Variants in GVQW3 observed in about 807,000 individuals in gnomAD.
GVQW3 encodes the protein GVQW motif containing 3.
A neutral mutation model predicts 12.5 loss-of-function variants in GVQW3; 7 were observed. The observed-to-expected ratio is 0.56, with a 90% CI of 0.32 to 1.05. The LOEUF is 1.05. Among genes scored for constraint, GVQW3 ranks in the 50% least tolerant of loss-of-function variants. The probability of loss-of-function intolerance (pLI) is 0.04; values close to 1 mark genes in which losing one functional copy is unlikely to be tolerated. For missense variants in GVQW3, 188 were observed against 190.8 expected (o/e 0.99, Z 0.09); for synonymous variants, 71 against 67.2 (o/e 1.06, Z -0.28).
chr11:76,385,781 T>C (rs960161466), intron 1 of GVQW3, among the ~76,000 whole-genome samples: 1 of 152,134 alleles, frequency 6.6e-6, no homozygotes, highest in Non-Finnish European at 1.5e-5. Context: ...TATGTGTTGA[T>C]TTTGTTTTTT....
At chr11:76,388,268 G>A (rs1946855906) in intron 1 of GVQW3, among the ~76,000 whole-genome samples, 1 of 152,162 alleles carries the variant, frequency 6.6e-6, no homozygotes, top group South Asian at 2.1e-4. Context: ...TCACTGAAAT[G>A]TATTTTTTGC....
At chr11:76,383,567 T>C (rs185804705) in intron 1 of GVQW3, 1 of 152,300 alleles carries the variant, frequency 6.6e-6, no homozygotes, top group Non-Finnish European at 1.5e-5. Flanking sequence ...GATCACAAGG[T>C]CAAGAGATCG....
intron 1 of GVQW3, among the ~76,000 whole-genome samples, chr11:76,400,229 C>G (rs1206415042): frequency 2.0e-5 from 3 of 151,850 alleles, no homozygotes; most frequent in Non-Finnish European, 4.4e-5. Context: ...TCTCCTGTCT[C>G]AGCCTCCCAA....
rs1269295856 is a variant in GVQW3, at chr11:76,405,359, T to C, written c.*1601T>C. The C allele has an allele frequency of 6.6e-6, 1 of 152,244 alleles. No individual in the cohort carries two copies. The highest frequency in any genetic ancestry group is 1.5e-5 in the Non-Finnish European group (1 of 68,056). 9.4% of individuals were successfully genotyped at this position (152,244 alleles called of 1,614,324 possible). A position where few individuals can be genotyped will look rare whatever the true frequency, so the allele number is the denominator to read the frequency against. On this transcript the variant is annotated 3_prime_UTR_variant, in exon 2 of 2. Coordinates refer to ENST00000529331, the MANE Select transcript of GVQW3 (RefSeq NM_001347885.2). The stretch of plus-strand genomic sequence containing the variant: ...TAGAAAGCACAGTATGTATTTGGCA[T>C]GGAGTCGGTACTCAATAAGCATTAG...
intron 1 of GVQW3, among the ~76,000 whole-genome samples, chr11:76,396,133 GATAT>G (rs886386960): frequency 6.6e-6 from 1 of 152,068 alleles, no homozygotes; most frequent in Non-Finnish European, 1.5e-5. Context: ...GAGGTTCTGG[GATAT>G]ATCTTCCTGG....
chr11:76,405,553 T>A lies in GVQW3; in HGVS notation c.*1795T>A, dbSNP rs1263505727. 2 of 152,250 alleles carry A rather than the reference T, an allele frequency of 1.3e-5. No individual in the cohort carries two copies. Among genetic ancestry groups the A allele is most frequent in the African/African-American group, 4.8e-5 (2 of 41,456 alleles). 9.4% of individuals were successfully genotyped at this position (152,250 alleles called of 1,614,324 possible). A position where few individuals can be genotyped will look rare whatever the true frequency, so the allele number is the denominator to read the frequency against. On this transcript the variant is annotated 3_prime_UTR_variant, in exon 2 of 2. Transcript: ENST00000529331. ...CACATCAGACTCATTTCTTTCTGAC[T>A]GAAGTCTGAGGGCTCTTTCCATTGC...
chr11:76,399,171 ACT>A (rs1350008279), intron 1 of GVQW3, among the ~76,000 whole-genome samples: 4 of 151,784 alleles, frequency 2.6e-5, no homozygotes, highest in Admixed American at 6.6e-5. Flanking sequence ...ACACGGTCTC[ACT>A]CTGTCGCCCA....
intron 1 of GVQW3, among the ~76,000 whole-genome samples, chr11:76,391,111 GTTGC>G (rs1946888085): frequency 1.3e-5 from 2 of 152,312 alleles, no homozygotes; most frequent in African/African-American, 4.8e-5. Flanking sequence ...AGCCTGACTG[GTTGC>G]TTTCTATCTC....
At chr11:76,403,536 T>C in intron 1 of GVQW3, 124 bp from the exon 2 acceptor site, 1 of 406,644 alleles carries the variant, frequency 2.5e-6, no homozygotes. Context: ...GTGGCACGAT[T>C]TTAGCTCACT....
At chr11:76,397,576 G>A (rs868834443) in intron 1 of GVQW3, among the ~76,000 whole-genome samples, 3 of 152,050 alleles carry the variant, frequency 2.0e-5, no homozygotes, top group Non-Finnish European at 2.9e-5. Flanking sequence ...GTAGGGTTGG[G>A]GATCTCTGAT....
intron 1 of GVQW3, among the ~76,000 whole-genome samples, chr11:76,399,847 C>T (rs896047739): frequency 6.6e-6 from 1 of 152,078 alleles, no homozygotes; most frequent in African/African-American, 2.4e-5. Flanking sequence ...ACCACTGGCT[C>T]TCCTTTTCCT....
downstream of GVQW3, among the ~76,000 whole-genome samples, chr11:76,409,417 G>A (rs565480262): frequency 2.4e-4 from 36 of 152,318 alleles, no homozygotes; most frequent in African/African-American, 8.2e-4. Context: ...AAGATCCTAT[G>A]GGGGTAACTC....
chr11:76,395,184 C>T (rs1946928582), intron 1 of GVQW3: 1 of 152,218 alleles, frequency 6.6e-6, no homozygotes, highest in Non-Finnish European at 1.5e-5. Context: ...AAGTGTACAT[C>T]TCAGTTGCAT....
intron 1 of GVQW3, among the ~76,000 whole-genome samples, chr11:76,395,991 G>A (rs2134552381): frequency 6.6e-6 from 1 of 152,206 alleles, no homozygotes; most frequent in African/African-American, 2.4e-5. Context: ...GGACCTGTGT[G>A]ATCTCCAAAA....
At chr11:76,393,939 C>A (rs1452188379) in intron 1 of GVQW3, among the ~76,000 whole-genome samples, 1 of 152,014 alleles carries the variant, frequency 6.6e-6, no homozygotes, top group Non-Finnish European at 1.5e-5. Flanking sequence ...TGCTCTGTCA[C>A]CCAGGCTGGA....
chr11:76,383,072 C>G (rs1480028160), intron 1 of GVQW3: 2 of 152,384 alleles, frequency 1.3e-5, no homozygotes, highest in African/African-American at 4.8e-5. Flanking sequence ...TTGTTTCATT[C>G]TAGTCCTATG....
At chr11:76,402,285 G>A (rs1385382633) in intron 1 of GVQW3, among the ~76,000 whole-genome samples, 1 of 152,208 alleles carries the variant, frequency 6.6e-6, no homozygotes, top group Non-Finnish European at 1.5e-5. Context: ...GGGCATGGTG[G>A]CTAACGCCTG....
rs1298104316 is a variant in GVQW3, at chr11:76,405,354, T to C, written c.*1596T>C. On this transcript the variant is annotated 3_prime_UTR_variant, in exon 2 of 2. Coordinates refer to ENST00000529331, the MANE Select transcript of GVQW3 (RefSeq NM_001347885.2). ...GTGCATAGAAAGCACAGTATGTATTTGGCATGGAGTCGGTACTCAATAAGC... is the reference window on the plus strand; with the variant it reads ...GTGCATAGAAAGCACAGTATGTATTCGGCATGGAGTCGGTACTCAATAAGC... The C allele has an allele frequency of 2.0e-5, 3 of 152,282 alleles. No homozygotes were observed. The highest frequency in any genetic ancestry group is 7.2e-5 in the African/African-American group (3 of 41,472). 9.4% of individuals were successfully genotyped at this position (152,282 alleles called of 1,614,324 possible).
rs1947042065 is a variant in GVQW3, at chr11:76,406,732, GGC to G, written c.*2976_*2977del. On this transcript the variant is annotated 3_prime_UTR_variant, in exon 2 of 2. Transcript: ENST00000529331. ...CTGTTTAAATAAATATGCCGGGCCA[GGC>G]GTGGTGGCTCACGCCTGTAATCCCA... 1 of 152,260 alleles carries G rather than the reference GGC, an allele frequency of 6.6e-6. No homozygotes were observed. The highest frequency in any genetic ancestry group is 2.4e-5 in the African/African-American group (1 of 41,472). The allele number at this position is 152,260 out of a possible 1,614,324, so 9.4% of individuals were successfully genotyped here. A position where few individuals can be genotyped will look rare whatever the true frequency, so the allele number is the denominator to read the frequency against.
Sources: gnomAD v4.1 joint callset for allele counts (sites outside exome capture counted in the v4.1 genomes callset) on GRCh38, gnomAD v4.1.1 for gene constraint, MANE v1.5 for transcripts, NCBI Gene and HGNC (gene_info 2026-07-23, HGNC 2026-07-21) for gene names.